Variants in CDH18 observed in about 807,000 individuals in gnomAD.
CDH18 encodes cadherin 18.
CDH18 carries 31 observed loss-of-function variants against 67.9 expected under a neutral mutation model. That is an observed-to-expected ratio of 0.46 (90% CI 0.34 to 0.62). CDH18 has a LOEUF of 0.62. Ranked by LOEUF, CDH18 falls within the 20% of genes least tolerant of loss-of-function variation. The pLI is 0.01. For synonymous variants in CDH18, 362 were observed against 347.2 expected, an observed-to-expected ratio of 1.04 and a Z score of -0.48; for missense variants, 890 against 975.5, an observed-to-expected ratio of 0.91 and a Z score of 1.17.
At chr5:20,501,871 G>A (rs1013701565) in intron 1 of CDH18, among the ~76,000 whole-genome samples, 3 of 144,134 alleles carry the variant, frequency 2.1e-5, no homozygotes, top group Non-Finnish European at 4.5e-5. Context: ...GGAGATTGAA[G>A]TTTCCTTAAA....
intron 3 of CDH18, among the ~76,000 whole-genome samples, chr5:19,765,701 G>A (rs1366496872): frequency 6.6e-6 from 1 of 152,026 alleles, no homozygotes; most frequent in Non-Finnish European, 1.5e-5. Flanking sequence ...GGCAAACTAA[G>A]GAAGACAGTT....
At chr5:19,991,737 C>G (rs1579974489), upstream of CDH18, 2 of 152,182 alleles carry the variant, frequency 1.3e-5, no homozygotes, top group Admixed American at 6.6e-5. Context: ...GGTGCGGTGG[C>G]TCATGCCTGT....
At chr5:19,758,649 C>A (rs914800188) in intron 3 of CDH18, among the ~76,000 whole-genome samples, 7 of 152,152 alleles carry the variant, frequency 4.6e-5, no homozygotes, top group African/African-American at 1.7e-4. Flanking sequence ...CTAAATAGCC[C>A]CACTAAGCAT....
At position 19,873,410 on chromosome 5, in the gene CDH18, G is replaced by A. The variant is rs557111431; in HGVS notation, c.-256-34168C>T. Among the ~76,000 whole-genome samples the A allele has an allele frequency of 1.8e-3, 277 of 152,144 alleles. 1 individual carries two copies. Among genetic ancestry groups the A allele is most frequent in the African/African-American group, 6.4e-3 (265 of 41,536 alleles). ...AAACATAGTCGGTGAGGGAAATTCT[G>A]GTTGTGTTAACCATACCATAAAATA... On this transcript the variant is annotated intron_variant, in intron 2 of 12. Transcript: ENST00000382275.
chr5:20,077,096 G>A (rs1744011398), intron 2 of CDH18, among the ~76,000 whole-genome samples: 1 of 152,102 alleles, frequency 6.6e-6, no homozygotes, highest in Non-Finnish European at 1.5e-5. Context: ...CATCTCTCTT[G>A]TAACCCCTAC....
At chr5:20,009,285 C>T (rs1020138645) in intron 2 of CDH18, among the ~76,000 whole-genome samples, 1 of 152,018 alleles carries the variant, frequency 6.6e-6, no homozygotes, top group Non-Finnish European at 1.5e-5. Flanking sequence ...CGGTCTACAT[C>T]TCATGTATCA....
At position 19,943,601 on chromosome 5, in the gene CDH18, C is replaced by T. The variant is rs112473147; in HGVS notation, c.-257+37459G>A. 2.7e-3 allele frequency among the ~76,000 whole-genome samples: 406 copies of T among 152,152 alleles called. 6 individuals are homozygous for T. Among genetic ancestry groups the T allele is most frequent in the African/African-American group, 7.7e-3 (320 of 41,544 alleles). Reference sequence around the variant, plus strand: ...CAGAAAATAAAAACAAACAAGTTAACCTTTTTTCATACCAACATGTAAAAA... The same window carrying T: ...CAGAAAATAAAAACAAACAAGTTAATCTTTTTTCATACCAACATGTAAAAA... On this transcript the variant is annotated intron_variant, in intron 2 of 12. Transcript: ENST00000382275.
At chr5:20,353,257 A>AGT (rs1275794070) in intron 1 of CDH18, among the ~76,000 whole-genome samples, 2 of 152,102 alleles carry the variant, frequency 1.3e-5, no homozygotes, top group African/African-American at 4.8e-5. Flanking sequence ...TAAGTGCCCA[A>AGT]GTGTGTGTGT....
chr5:19,868,204 G>C (rs182661778), intron 2 of CDH18, among the ~76,000 whole-genome samples: 1 of 152,090 alleles, frequency 6.6e-6, no homozygotes, highest in South Asian at 2.1e-4. Context: ...GTATGTGTTA[G>C]AGGAATAAAT....
At chr5:19,782,988 G>A (rs1167438197) in intron 3 of CDH18, among the ~76,000 whole-genome samples, 2 of 152,094 alleles carry the variant, frequency 1.3e-5, no homozygotes, top group African/African-American at 4.8e-5. Flanking sequence ...CTCTACCCTT[G>A]GGAGAAGTTT....
intron 5 of CDH18, among the ~76,000 whole-genome samples, chr5:19,707,749 C>T (rs145728211): frequency 9.3e-4 from 142 of 152,244 alleles, no homozygotes; most frequent in East Asian, 2.9e-3. Context: ...TGAGGCATAC[C>T]ACATCAAAAA....
chr5:19,853,902 T>G (rs1454213200), intron 2 of CDH18, among the ~76,000 whole-genome samples: 1 of 152,136 alleles, frequency 6.6e-6, no homozygotes, highest in East Asian at 1.9e-4. Context: ...GGAGAACTCC[T>G]TTTTTAGCCT....
At chr5:20,204,488 T>C (rs924143525) in intron 2 of CDH18, among the ~76,000 whole-genome samples, 1 of 151,906 alleles carries the variant, frequency 6.6e-6, no homozygotes, top group Non-Finnish European at 1.5e-5. Flanking sequence ...TTACAAGAAA[T>C]GTGAAAGGCA....
chr5:19,834,280 C>G (rs1347629754), intron 3 of CDH18, among the ~76,000 whole-genome samples: 1 of 151,646 alleles, frequency 6.6e-6, no homozygotes, highest in Non-Finnish European at 1.5e-5. Flanking sequence ...AGGAATTTAT[C>G]CATTTCTTTT....
At chr5:20,496,190 G>T (rs1424635315) in intron 1 of CDH18, among the ~76,000 whole-genome samples, 2 of 152,072 alleles carry the variant, frequency 1.3e-5, no homozygotes, top group East Asian at 3.8e-4. Flanking sequence ...TGTGATATTA[G>T]TGAATTTAAA....
At chr5:19,866,773 C>T (rs563866885) in intron 2 of CDH18, among the ~76,000 whole-genome samples, 11 of 152,120 alleles carry the variant, frequency 7.2e-5, no homozygotes, top group Admixed American at 5.2e-4. Flanking sequence ...ATAGGCAATT[C>T]GAGCATACAG....
At chr5:19,926,085 T>G (rs766972276) in intron 2 of CDH18, among the ~76,000 whole-genome samples, 6 of 152,170 alleles carry the variant, frequency 3.9e-5, no homozygotes, top group Non-Finnish European at 7.3e-5. Flanking sequence ...GTGGTTCACC[T>G]GCAATTTTTT....
chr5:20,473,786 C>G (rs1752252082), intron 1 of CDH18, among the ~76,000 whole-genome samples: 1 of 152,014 alleles, frequency 6.6e-6, no homozygotes, highest in South Asian at 2.1e-4. Flanking sequence ...GTTGCCAATC[C>G]TTGATTATTT....
rs1737778947 is a variant in CDH18, at chr5:19,472,916, T to G, written c.*310A>C. 4.3e-6 allele frequency: 1 copy of G among 230,708 alleles called. No homozygotes were observed. 14.3% of individuals were successfully genotyped at this position (230,708 alleles called of 1,614,324 possible). The stretch of plus-strand genomic sequence containing the variant: ...TTGAAAAAAATAAATCACAATATAT[T>G]GAAACAAATATCATTGTTTGGCTTA... On this transcript the variant is annotated 3_prime_UTR_variant, in exon 13 of 13. Transcript: ENST00000382275.
Sources: allele counts gnomAD v4.1 joint callset (sites outside exome capture counted in the v4.1 genomes callset), GRCh38; gene constraint gnomAD v4.1.1; transcripts MANE v1.5; gene names NCBI Gene and HGNC (gene_info 2026-07-23, HGNC 2026-07-21).